The following HECW1 variants were observed in gnomAD, a reference collection of about 807,000 sequenced individuals.
HECW1 encodes the protein E3 ubiquitin-protein ligase HECW1.
HECW1 carries 61 observed loss-of-function variants against 182.3 expected under a neutral mutation model. The observed-to-expected ratio is 0.33, with a 90% confidence interval of 0.27 to 0.41. The LOEUF is 0.41. Ranked by LOEUF, HECW1 falls within the 10% of genes least tolerant of loss-of-function variation. The pLI is 1.00. For synonymous variants in HECW1, 859 were observed against 832.6 expected (o/e 1.03, Z -0.55); for missense variants, 1,739 against 2,108.9 (o/e 0.82, Z 3.44).
chr7:43,557,110 G>T (rs1039833330), intron 29 of HECW1, among the ~76,000 whole-genome samples: 2 of 152,140 alleles, frequency 1.3e-5, no homozygotes, highest in Non-Finnish European at 2.9e-5. Context: ...ATCTATGTGT[G>T]GATAGAAAGA....
chr7:43,517,940 C>A (rs2080241467), intron 24 of HECW1, among the ~76,000 whole-genome samples: 1 of 152,140 alleles, frequency 6.6e-6, no homozygotes, highest in Non-Finnish European at 1.5e-5. Context: ...TGAGAAACTT[C>A]CAGTAGGAAA....
At chr7:43,279,419 C>T (rs1197008993) in intron 3 of HECW1, among the ~76,000 whole-genome samples, 1 of 151,874 alleles carries the variant, frequency 6.6e-6, no homozygotes, top group East Asian at 1.9e-4. Flanking sequence ...TCTAAAGTGT[C>T]CCATGGCATT....
chr7:43,182,372 G>A (rs1223437621), intron 2 of HECW1, among the ~76,000 whole-genome samples: 2 of 152,150 alleles, frequency 1.3e-5, no homozygotes, highest in Non-Finnish European at 2.9e-5. Context: ...TCTGCCTGTG[G>A]ACATCCAGTT....
At chr7:43,423,910 G>T (rs780042746) in intron 8 of HECW1, among the ~76,000 whole-genome samples, 2 of 152,208 alleles carry the variant, frequency 1.3e-5, no homozygotes, top group Non-Finnish European at 2.9e-5. Context: ...AGTCTGAGGA[G>T]AGCAGATCTA....
chr7:43,352,746 A>C (rs1168627821), intron 5 of HECW1, among the ~76,000 whole-genome samples: 1 of 152,238 alleles, frequency 6.6e-6, no homozygotes, highest in Non-Finnish European at 1.5e-5. Flanking sequence ...TTGGCTATAC[A>C]TCATAGGATT....
At chr7:43,441,763 T>G (rs1012828104) in intron 9 of HECW1, among the ~76,000 whole-genome samples, 1 of 152,220 alleles carries the variant, frequency 6.6e-6, no homozygotes, top group African/African-American at 2.4e-5. Context: ...AAATTTGAAT[T>G]TCATATAATT....
At chr7:43,533,589 G>A (rs1405716287) in intron 24 of HECW1, among the ~76,000 whole-genome samples, 2 of 151,910 alleles carry the variant, frequency 1.3e-5, no homozygotes, top group African/African-American at 2.4e-5. Context: ...TGCTTGTTTC[G>A]ACAGACGTTT....
chr7:43,264,702 G>T (rs1009590765), intron 3 of HECW1, among the ~76,000 whole-genome samples: 1 of 152,074 alleles, frequency 6.6e-6, no homozygotes, highest in South Asian at 2.1e-4. Flanking sequence ...AAATTAGCCA[G>T]GTGTGGTGGC....
intron 2 of HECW1, among the ~76,000 whole-genome samples, chr7:43,224,010 T>C (rs1797209904): frequency 6.6e-6 from 1 of 152,184 alleles, no homozygotes; most frequent in East Asian, 1.9e-4. Flanking sequence ...TCATGTATCA[T>C]TGTCCCCAGA....
chr7:43,504,457 C>T (rs138506769), intron 21 of HECW1, among the ~76,000 whole-genome samples: 6 of 152,264 alleles, frequency 3.9e-5, no homozygotes, highest in Non-Finnish European at 8.8e-5. Flanking sequence ...GTAGATTCTG[C>T]GGTTCATCAT....
intron 6 of HECW1, among the ~76,000 whole-genome samples, chr7:43,378,298 TAC>T (rs1010940470): frequency 6.6e-6 from 1 of 152,260 alleles, no homozygotes; most frequent in Middle Eastern, 3.2e-3. Flanking sequence ...CTCTCCTGTG[TAC>T]ACAGTGACTA....
At chr7:43,309,516 C>G (rs1325589480) in intron 3 of HECW1, among the ~76,000 whole-genome samples, 1 of 152,136 alleles carries the variant, frequency 6.6e-6, no homozygotes, top group Non-Finnish European at 1.5e-5. Flanking sequence ...AATACAATAG[C>G]AGAATTGTCT....
chr7:43,275,036 G>A (rs529022187), intron 3 of HECW1, among the ~76,000 whole-genome samples: 3 of 152,306 alleles, frequency 2.0e-5, no homozygotes, highest in Admixed American at 1.3e-4. Flanking sequence ...AGCATCCATG[G>A]TGTCACTGAG....
At chr7:43,387,287 T>G (rs1304249833) in intron 6 of HECW1, among the ~76,000 whole-genome samples, 1 of 152,072 alleles carries the variant, frequency 6.6e-6, no homozygotes, top group South Asian at 2.1e-4. Context: ...ACTCTTCCTG[T>G]TCTACCTTTT....
In HECW1 at chr7:43,307,899, CATAT is replaced by C. The variant is rs1311991541; in HGVS notation, c.28-3848_28-3845del. Among the ~76,000 whole-genome samples the C allele has an allele frequency of 2.2e-3, 275 of 124,290 alleles. 2 individuals carry two copies. Among genetic ancestry groups the C allele is most frequent in the East Asian group, 0.015 (71 of 4,600 alleles). The allele number at this position is 124,290 out of a possible 152,430, so 81.5% of individuals were successfully genotyped here. ...CACTATATATATATATATATATACA[CATAT>C]ATATATATATATATACACACACACA... On this transcript the variant is annotated intron_variant, in intron 3 of 29. Transcript: ENST00000395891.
intron 3 of HECW1, among the ~76,000 whole-genome samples, chr7:43,295,829 T>C (rs1328720060): frequency 1.3e-5 from 2 of 152,220 alleles, no homozygotes; most frequent in Non-Finnish European, 1.5e-5. Flanking sequence ...TCATACCAGA[T>C]AAACAGAGAA....
intron 21 of HECW1, among the ~76,000 whole-genome samples, chr7:43,503,796 G>A (rs557030177): frequency 2.1e-4 from 32 of 152,334 alleles, no homozygotes; most frequent in African/African-American, 7.0e-4. Flanking sequence ...ATGCACAGCA[G>A]TCATCATGGG....
intron 2 of HECW1, among the ~76,000 whole-genome samples, chr7:43,204,949 T>C (rs1795327828): frequency 6.6e-6 from 1 of 152,144 alleles, no homozygotes; most frequent in Non-Finnish European, 1.5e-5. Context: ...ACATACTTGA[T>C]GGGACATTTC....
intron 2 of HECW1, among the ~76,000 whole-genome samples, chr7:43,209,356 G>A (rs1165557721): frequency 6.6e-6 from 1 of 152,172 alleles, no homozygotes; most frequent in Admixed American, 6.5e-5. Context: ...GCCAGGGCCT[G>A]CGGGTGTGTG....
Sources: gnomAD v4.1 joint callset for allele counts (sites outside exome capture counted in the v4.1 genomes callset) on GRCh38, gnomAD v4.1.1 for gene constraint, MANE v1.5 for transcripts, NCBI Gene and HGNC (gene_info 2026-07-23, HGNC 2026-07-21) for gene names.